Variants in EML4 observed in about 807,000 individuals in gnomAD.
EML4 encodes echinoderm microtubule-associated protein-like 4.
A neutral mutation model predicts 129.0 loss-of-function variants in EML4; 72 were observed. That is an observed-to-expected ratio of 0.56 (90% confidence interval 0.46 to 0.68). The LOEUF (loss-of-function observed/expected upper bound fraction) is 0.68. EML4 is among the 30% of genes least tolerant of loss of function. The pLI, the probability that EML4 is intolerant of heterozygous loss-of-function variation, is 0.00. For missense variants in EML4, 1,363 were observed against 1,190.6 expected, an observed-to-expected ratio of 1.14 and a Z score of -2.13; for synonymous variants, 532 against 405.0, an observed-to-expected ratio of 1.31 and a Z score of -3.77.
At chr2:42,275,224 T>TA (rs1272222015) in intron 6 of EML4, among the ~76,000 whole-genome samples, 1 of 152,202 alleles carries the variant, frequency 6.6e-6, no homozygotes, top group Non-Finnish European at 1.5e-5. Context: ...GTGATCAGTA[T>TA]AAAAAAATTA....
chr2:42,218,243 C>T (rs1198494818), intron 1 of EML4, among the ~76,000 whole-genome samples: 2 of 151,902 alleles, frequency 1.3e-5, no homozygotes, highest in Non-Finnish European at 2.9e-5. Flanking sequence ...TTGCTCACTC[C>T]TTATGAGAAT....
intron 6 of EML4, among the ~76,000 whole-genome samples, chr2:42,271,084 A>G (rs549888217): frequency 3.3e-5 from 5 of 151,860 alleles, no homozygotes; most frequent in South Asian, 2.1e-4. Flanking sequence ...AGTAGAGACA[A>G]GGTTTCGCCA....
At chr2:42,313,101 A>G (rs1189898223) in intron 17 of EML4, among the ~76,000 whole-genome samples, 2 of 151,394 alleles carry the variant, frequency 1.3e-5, no homozygotes, top group Non-Finnish European at 2.9e-5. Context: ...GGCGCCTGCT[A>G]CCATGCCTGG....
At chr2:42,272,367 T>C (rs1666420271) in intron 6 of EML4, among the ~76,000 whole-genome samples, 2 of 152,250 alleles carry the variant, frequency 1.3e-5, no homozygotes, top group Admixed American at 6.5e-5. Context: ...TTTTAAACTT[T>C]GGTGAACTAT....
At chr2:42,179,263 GT>G (rs11396677) in intron 1 of EML4, among the ~76,000 whole-genome samples, 53,730 of 142,722 alleles carry the variant, frequency 0.38, 10,337 homozygotes, top group Middle Eastern at 0.54. Context: ...GGGGAGCTGG[GT>G]TTTTTTTTTT....
intron 17 of EML4, among the ~76,000 whole-genome samples, chr2:42,312,989 C>G (rs1300489807): frequency 2.0e-5 from 3 of 148,764 alleles, no homozygotes; most frequent in Non-Finnish European, 4.5e-5. Flanking sequence ...CGCTCTGTCA[C>G]CCAGGCTGGA....
intron 16 of EML4, among the ~76,000 whole-genome samples, chr2:42,304,233 A>G (rs771913242): frequency 1.3e-5 from 2 of 151,968 alleles, no homozygotes; most frequent in South Asian, 2.1e-4. Flanking sequence ...GTTTGTTGTT[A>G]TTATCCTTAT....
chr2:42,265,156 T>C (rs2104401596), intron 6 of EML4, among the ~76,000 whole-genome samples: 1 of 152,296 alleles, frequency 6.6e-6, no homozygotes, highest in African/African-American at 2.4e-5. Context: ...AGTGGTGCAA[T>C]CTCGGCTTAC....
At chr2:42,225,603 C>T (rs374038205) in intron 1 of EML4, among the ~76,000 whole-genome samples, 3 of 152,116 alleles carry the variant, frequency 2.0e-5, no homozygotes, top group Non-Finnish European at 2.9e-5. Flanking sequence ...ATCCAACTAA[C>T]GTTGCCAGAC....
At chr2:42,202,082 C>CA (rs748080390) in intron 1 of EML4, among the ~76,000 whole-genome samples, 7,813 of 110,932 alleles carry the variant, frequency 0.07, 607 homozygotes, top group African/African-American at 0.22. Flanking sequence ...GACTCTGTCT[C>CA]AAAAAAAAAA....
intron 1 of EML4, among the ~76,000 whole-genome samples, chr2:42,211,298 T>C (rs1353980335): frequency 1.3e-5 from 2 of 152,048 alleles, no homozygotes; most frequent in African/African-American, 2.4e-5. Context: ...CTTATATGAG[T>C]TTAGGAAAGG....
chr2:42,205,401 G>A (rs1174175051), intron 1 of EML4, among the ~76,000 whole-genome samples: 1 of 152,126 alleles, frequency 6.6e-6, no homozygotes, highest in South Asian at 2.1e-4. Context: ...ATTTGGTAGG[G>A]AAAAGAGATA....
At chr2:42,264,987 T>A (rs539974163) in intron 6 of EML4, 3 of 1,536,426 alleles carry the variant, frequency 2.0e-6, no homozygotes, top group Non-Finnish European at 2.6e-6. Flanking sequence ...GCCTTCTAAG[T>A]GAATTTTTTC....
chr2:42,302,861 C>G (rs560784063), intron 14 of EML4, among the ~76,000 whole-genome samples: 3 of 151,908 alleles, frequency 2.0e-5, no homozygotes, highest in Admixed American at 6.6e-5. Context: ...ACCCTTAACT[C>G]CTAAAGTCAT....
chr2:42,211,778 A>C (rs1672900215), intron 1 of EML4, among the ~76,000 whole-genome samples: 1 of 152,174 alleles, frequency 6.6e-6, no homozygotes, highest in South Asian at 2.1e-4. Flanking sequence ...TGGGTAATGT[A>C]AACTTAGCCT....
At chr2:42,173,056 A>G (rs1670368377) in intron 1 of EML4, among the ~76,000 whole-genome samples, 2 of 152,204 alleles carry the variant, frequency 1.3e-5, no homozygotes. Context: ...AAATTGTTGG[A>G]TTAGGATCTA....
At chr2:42,257,766 G>C (rs911612350) in intron 3 of EML4, among the ~76,000 whole-genome samples, 2 of 152,004 alleles carry the variant, frequency 1.3e-5, no homozygotes, top group Non-Finnish European at 1.5e-5. Flanking sequence ...GAACCCAGGA[G>C]GGGGAGCTTG....
At chr2:42,241,543 C>A (rs985612876) in intron 1 of EML4, among the ~76,000 whole-genome samples, 4 of 152,192 alleles carry the variant, frequency 2.6e-5, no homozygotes, top group South Asian at 4.1e-4. Context: ...ACTGCAACAG[C>A]CTCCTGTCTG....
At chr2:42,324,872 CTTAAGGAATGTT>C (rs1016994745) in intron 19 of EML4, among the ~76,000 whole-genome samples, 22 of 152,176 alleles carry the variant, frequency 1.4e-4, no homozygotes, top group Non-Finnish European at 1.0e-4. Context: ...TTGTTTCCTG[CTTAAGGAATGTT>C]TTAAGGAATC....
Sources: gnomAD v4.1 joint callset for allele counts (sites outside exome capture counted in the v4.1 genomes callset) on GRCh38, gnomAD v4.1.1 for gene constraint, MANE v1.5 for transcripts, NCBI Gene and HGNC (gene_info 2026-07-23, HGNC 2026-07-21) for gene names.